AP1M2: variants seen among roughly 807,000 people sequenced by gnomAD.
AP1M2 encodes the protein adaptor related protein complex 1 subunit mu 2.
In AP1M2, 41 loss-of-function variants were observed where a neutral mutation model predicts 54.6. The observed-to-expected ratio is 0.75, with a 90% confidence interval of 0.59 to 0.97. The LOEUF is 0.97. Ranked by LOEUF, AP1M2 falls within the 50% of genes least tolerant of loss-of-function variation. The pLI is 0.00. For synonymous variants in AP1M2, 219 were observed against 215.9 expected (o/e 1.01, Z -0.13); for missense variants, 507 against 561.2 (o/e 0.90, Z 0.98).
rs1034546305 is a variant in AP1M2, at chr19:10,576,456, G to C, written c.1047+742C>G. Among the ~76,000 whole-genome samples, 36 of 151,682 alleles carry C rather than the reference G, an allele frequency of 2.4e-4. 1 individual carries two copies. Among genetic ancestry groups the C allele is most frequent in the Admixed American group, 2.1e-3 (32 of 15,194 alleles). On this transcript the variant is annotated intron_variant, in intron 9 of 11. Coordinates refer to ENST00000250244, the MANE Select transcript of AP1M2 (RefSeq NM_005498.5). ...TTTTTGTATTTTTAGTAGAGATGGG[G>C]TTTCACCATGTTAGCCAGGATGGTC... is the stretch of plus-strand genomic sequence containing the variant.
intron 9 of AP1M2, among the ~76,000 whole-genome samples, 200 bp from the exon 10 acceptor site, chr19:10,575,229 G>A (rs1220343145): frequency 6.6e-6 from 1 of 152,138 alleles, no homozygotes; most frequent in Admixed American, 6.5e-5. Flanking sequence ...GAACATGCCT[G>A]CAGTTTCAGC....
chr19:10,581,735 G>C lies in AP1M2; in HGVS notation c.398+13C>G, dbSNP rs562958085. 6.2e-7 allele frequency: 1 copy of C among 1,613,012 alleles called. No individual in the cohort carries two copies. Among genetic ancestry groups the C allele is most frequent in the African/African-American group, 1.3e-5 (1 of 74,968 alleles). On this transcript the variant is annotated intron_variant, in intron 4 of 11. Transcript: ENST00000250244. ...ACAGTCCAGCCCATGGCTGCCTCCA[G>C]GGGTCCACTCACTCCTGCAGGATCT...
chr19:10,581,318 C>A lies in AP1M2; in HGVS notation c.621G>T (p.Met207Ile), dbSNP rs775007033. 7 of 1,613,938 alleles carry A rather than the reference C, an allele frequency of 4.3e-6. No homozygotes were observed. Among genetic ancestry groups the A allele is most frequent in the Non-Finnish European group, 4.2e-6 (5 of 1,179,812 alleles). The change falls in exon 6 of 12, where the codon ATG becomes ATT. Residue 207 changes from methionine (M) to isoleucine (I), a missense_variant. Physicochemically the swap from Met to Ile is conservative, Grantham distance 10. Coordinates refer to ENST00000250244, the MANE Select transcript of AP1M2 (RefSeq NM_005498.5). ...TIKLKVFLSGMPELRLGLNDR... is the reference protein window; with the variant it reads ...TIKLKVFLSGIPELRLGLNDR... ...CATTGAGGCCCAGCCGCAGCTCTGG[C>A]ATTCCTGACAGAAACACCTTGAGCT...
chr19:10,575,009 C>T lies in AP1M2; in HGVS notation c.1068G>A (p.Met356Ile). 1 of 1,536,350 alleles carries T rather than the reference C, an allele frequency of 6.5e-7. No individual in the cohort carries two copies. The highest frequency in any genetic ancestry group is 1.4e-5 in the African/African-American group (1 of 72,400). ...KSFPGGKEYL[M>I]RAHFGLPSVE... is the part of the protein sequence containing the mutation. Reference sequence around the variant, plus strand: ...CACTGGGGAGGCCAAAGTGGGCTCGCATCAAGTACTCCTTGCCCCCCTGAG... The same window carrying T: ...CACTGGGGAGGCCAAAGTGGGCTCGTATCAAGTACTCCTTGCCCCCCTGAG... The change falls in exon 10 of 12, where the codon ATG (methionine) becomes ATA (isoleucine). Residue 356 changes from methionine to isoleucine, a missense_variant. Transcript: ENST00000250244.
chr19:10,581,474 T>C lies in AP1M2; in HGVS notation c.546+13A>G, dbSNP rs376121069. 4.2e-5 allele frequency: 68 copies of C among 1,613,098 alleles called. No homozygotes were observed. The African/African-American group carries it at 7.6e-4, about 18-fold the overall frequency. On this transcript the variant is annotated intron_variant, in intron 5 of 11. Transcript: ENST00000250244. ...GGCCGTGGAAGGGGTGCCGGGGAGG[T>C]GTGCAGGCTCACCAGCAGGTTGACA...
At chr19:10,583,524 G>T in intron 3 of AP1M2, 82 bp downstream of exon 3, 1 of 1,145,224 alleles carries the variant, frequency 8.7e-7, no homozygotes, top group Non-Finnish European at 1.3e-6. Flanking sequence ...CTTCCTATCA[G>T]AAAAGGATCT....
intron 3 of AP1M2, 81 bp downstream of exon 3, chr19:10,583,525 A>T: frequency 8.6e-7 from 1 of 1,156,430 alleles, no homozygotes; most frequent in Non-Finnish European, 1.2e-6. Flanking sequence ...TTCCTATCAG[A>T]AAAGGATCTT....
chr19:10,573,943 G>A (rs1017246044), intron 11 of AP1M2, among the ~76,000 whole-genome samples: 20 of 152,034 alleles, frequency 1.3e-4, no homozygotes, highest in Non-Finnish European at 2.5e-4. Flanking sequence ...TTACAGATGT[G>A]AGCCACCACA....
In AP1M2 at chr19:10,581,884, G is replaced by C; in HGVS notation, c.268-6C>G. On this transcript the variant is annotated splice_region_variant and splice_polypyrimidine_tract_variant and intron_variant, in intron 3 of 11. Transcript: ENST00000250244. ...TTGAAGTATTCGCAGAATACCTGGGGGTTGGAGGAGAGAGAGACCCACAAA... is the reference window on the plus strand; with the variant it reads ...TTGAAGTATTCGCAGAATACCTGGGCGTTGGAGGAGAGAGAGACCCACAAA... The C allele has an allele frequency of 6.3e-7, 1 of 1,594,586 alleles. No homozygotes were observed. Among genetic ancestry groups the C allele is most frequent in the Non-Finnish European group, 8.5e-7 (1 of 1,170,128 alleles).
At chr19:10,576,913 A>G (rs545367729) in intron 9 of AP1M2, among the ~76,000 whole-genome samples, 7 of 151,816 alleles carry the variant, frequency 4.6e-5, no homozygotes, top group South Asian at 4.2e-4. Context: ...AGCCGTCTCT[A>G]TGTTAGCCAG....
chr19:10,580,709 G>A (rs142366042), intron 6 of AP1M2, among the ~76,000 whole-genome samples: 391 of 152,130 alleles, frequency 2.6e-3, no homozygotes, highest in Non-Finnish European at 4.1e-3. Context: ...AGGCACAGTA[G>A]TTCACACCTG....
Position 10,574,956 on chromosome 19 carries a change from G to T in AP1M2, c.1121C>A (p.Pro374His), listed in dbSNP as rs201504302. Residue 374 changes from proline to histidine, a missense_variant, in exon 10 of 12, where the codon CCC (proline) becomes CAC (histidine). Physicochemically the swap from Pro to His is moderately conservative, Grantham distance 77. Transcript: ENST00000250244. Reference protein sequence around the residue: ...SVEKEEVEGRPPIGVKFEIPY... With the variant: ...SVEKEEVEGRHPIGVKFEIPY... ...GATCTCAAACTTGACCCCGATGGGG[G>T]GCCGGCCCTCCACCTCTTCCTTTTC... 2.4e-5 allele frequency: 39 copies of T among 1,593,178 alleles called. No homozygotes were observed. Among genetic ancestry groups the T allele is most frequent in the Admixed American group, 1.2e-4 (7 of 57,670 alleles).
At chr19:10,575,674 A>G (rs1917204600) in intron 9 of AP1M2, among the ~76,000 whole-genome samples, 1 of 152,156 alleles carries the variant, frequency 6.6e-6, no homozygotes, top group African/African-American at 2.4e-5. Flanking sequence ...ACGTCTGTGA[A>G]ATAGACTGGC....
intron 1 of AP1M2, among the ~76,000 whole-genome samples, chr19:10,585,283 AAAAGAAAGAAAGAAAGAAAGAAAG>A (rs71297575): frequency 3.8e-5 from 4 of 104,570 alleles, no homozygotes; most frequent in Non-Finnish European, 5.7e-5. Flanking sequence ...AAAGAAGAAA[AAAAGAAAGAAAGAAAGAAAGAAAG>A]AAAGAAAGAA....
At chr19:10,577,898 T>A (rs1224659558) in intron 8 of AP1M2, among the ~76,000 whole-genome samples, 2 of 151,898 alleles carry the variant, frequency 1.3e-5, no homozygotes, top group African/African-American at 4.8e-5. Flanking sequence ...CACCACGCCC[T>A]GCTAATTTTG....
At chr19:10,579,399 G>A (rs1204350997) in intron 7 of AP1M2, among the ~76,000 whole-genome samples, 9 of 152,090 alleles carry the variant, frequency 5.9e-5, no homozygotes, top group Admixed American at 5.9e-4. Flanking sequence ...CTGGGTGAAA[G>A]AGCCAGACTC....
intron 9 of AP1M2, among the ~76,000 whole-genome samples, chr19:10,575,959 G>A (rs2144755299): frequency 6.8e-6 from 1 of 146,370 alleles, no homozygotes; most frequent in South Asian, 2.2e-4. Context: ...ATTTTTAGTA[G>A]AGACGGGGTT....
In AP1M2 at chr19:10,583,631, T is replaced by C. The variant is rs1917533540; in HGVS notation, c.242A>G (p.Tyr81Cys). 6.2e-7 allele frequency: 1 copy of C among 1,612,540 alleles called. No homozygotes were observed. The highest frequency in any genetic ancestry group is 8.5e-7 in the Non-Finnish European group (1 of 1,179,190). The change falls in exon 3 of 12, where the codon TAC becomes TGC. Residue 81 changes from tyrosine (Y) to cysteine (C), a missense_variant. By Grantham distance (194) the Tyr-to-Cys change is radical. Coordinates refer to ENST00000250244, the MANE Select transcript of AP1M2 (RefSeq NM_005498.5). ...TSKNANASLV[Y>C]SFLYKTIEVF... Reference sequence around the variant, plus strand: ...CTCTATTGTCTTATACAGGAAGGAGTACACCAGGGAGGCATTGGCATTCTT... The same window carrying C: ...CTCTATTGTCTTATACAGGAAGGAGCACACCAGGGAGGCATTGGCATTCTT...
At position 10,574,964 on chromosome 19, in the gene AP1M2, C is replaced by T; in HGVS notation, c.1113G>A (p.Glu371=). 5 of 1,587,520 alleles carry T rather than the reference C, an allele frequency of 3.1e-6. No individual in the cohort carries two copies. The highest frequency in any genetic ancestry group is 4.3e-6 in the Non-Finnish European group (5 of 1,165,616). Residue 371 remains glutamate, a synonymous_variant, in exon 10 of 12, where the codon GAG becomes GAA. Transcript: ENST00000250244. ...ACTTGACCCCGATGGGGGGCCGGCC[C>T]TCCACCTCTTCCTTTTCCACACTGG... ...GLPSVEKEEV[E]GRPPIGVKFE...
Sources: gnomAD v4.1 joint callset for allele counts (sites outside exome capture counted in the v4.1 genomes callset) on GRCh38, gnomAD v4.1.1 for gene constraint, MANE v1.5 for transcripts, NCBI Gene and HGNC (gene_info 2026-07-23, HGNC 2026-07-21) for gene names.